The following ZFP91 variants were observed in gnomAD, a reference collection of about 807,000 sequenced individuals.
ZFP91 encodes the protein ZFP91 zinc finger protein, atypical E3 ubiquitin ligase, also known as E3 ubiquitin-protein ligase ZFP91.
In ZFP91, 7 loss-of-function variants were observed where a neutral mutation model predicts 63.5. The ratio of observed to expected loss-of-function variants is 0.11; its 90% confidence interval spans 0.06 to 0.21. The LOEUF (loss-of-function observed/expected upper bound fraction) is 0.21, where lower values mean the gene tolerates loss of function less well. Among genes scored for constraint, ZFP91 ranks in the 10% least tolerant of loss-of-function variants. The pLI is 1.00. For missense variants in ZFP91, 628 were observed against 736.6 expected (o/e 0.85, Z 1.71); for synonymous variants, 330 against 272.1 (o/e 1.21, Z -2.10).
At position 58,579,446 on chromosome 11, in the gene ZFP91, C is replaced by T. The variant is rs989032183; in HGVS notation, c.165C>T (p.Asp55=). ...GCCGCGTGCTGAGGGGAGGTCGGGA[C>T]CGAGGCCGGGCCGCTGCGGCCGCCG... ...TSSRVLRGGR[D]RGRAAAAAAA... is the part of the protein sequence containing the mutation. The change falls in exon 1 of 11, where the codon GAC becomes GAT. Residue 55 remains aspartate (D), a synonymous_variant. Transcript: ENST00000316059. The T allele has an allele frequency of 5.2e-5, 75 of 1,450,164 alleles. No individual in the cohort carries two copies. In the African/African-American group the frequency reaches 1.1e-3, roughly 21 times the overall value. 89.8% of individuals were successfully genotyped at this position (1,450,164 alleles called of 1,614,324 possible). A position where few individuals can be genotyped will look rare whatever the true frequency, so the allele number is the denominator to read the frequency against.
At chr11:58,608,145 A>AT (rs1405433503) in intron 2 of ZFP91, among the ~76,000 whole-genome samples, 1 of 151,856 alleles carries the variant, frequency 6.6e-6, no homozygotes, top group East Asian at 2.0e-4. Flanking sequence ...AAGAGTAGAC[A>AT]ACTAAACATT....
At chr11:58,589,757 C>G (rs1270867627) in intron 2 of ZFP91, among the ~76,000 whole-genome samples, 2 of 152,124 alleles carry the variant, frequency 1.3e-5, no homozygotes, top group Non-Finnish European at 2.9e-5. Flanking sequence ...GGGTATGGCC[C>G]AGATCCTTTA....
intron 2 of ZFP91, among the ~76,000 whole-genome samples, chr11:58,600,152 A>T (rs1160096103): frequency 6.6e-6 from 1 of 152,096 alleles, no homozygotes; most frequent in Admixed American, 6.6e-5. Flanking sequence ...TGTTTTCAAG[A>T]TGGCTGTGAC....
At chr11:58,614,578 A>G (rs757308316) in intron 9 of ZFP91, among the ~76,000 whole-genome samples, 1 of 152,178 alleles carries the variant, frequency 6.6e-6, no homozygotes, top group Non-Finnish European at 1.5e-5. Context: ...ATGATCTTCT[A>G]TTGAGCATTT....
At chr11:58,595,232 T>A (rs1429822069) in intron 2 of ZFP91, among the ~76,000 whole-genome samples, 2 of 152,140 alleles carry the variant, frequency 1.3e-5, no homozygotes, top group African/African-American at 4.8e-5. Context: ...ATGAAAAAAA[T>A]ATATATTACC....
At chr11:58,612,134 A>G (rs1191527645) in intron 6 of ZFP91, 144 bp from the exon 7 acceptor site, 2 of 776,834 alleles carry the variant, frequency 2.6e-6, no homozygotes, top group Non-Finnish European at 4.1e-6. Flanking sequence ...TTGATTTGCC[A>G]GATATATCTT....
At chr11:58,586,543 A>G (rs1855212932) in intron 2 of ZFP91, among the ~76,000 whole-genome samples, 1 of 152,138 alleles carries the variant, frequency 6.6e-6, no homozygotes, top group Non-Finnish European at 1.5e-5. Flanking sequence ...TTACTGTTTA[A>G]AGGCCCTGGA....
At chr11:58,598,268 A>G (rs1383726023) in intron 2 of ZFP91, among the ~76,000 whole-genome samples, 1 of 152,122 alleles carries the variant, frequency 6.6e-6, no homozygotes, top group African/African-American at 2.4e-5. Flanking sequence ...TTTTACAGTA[A>G]TGTCATCAAA....
At position 58,579,337 on chromosome 11, in the gene ZFP91, G is replaced by A. The variant is rs973726163; in HGVS notation, c.56G>A (p.Gly19Glu). The A allele has an allele frequency of 1.9e-5, 28 of 1,495,252 alleles. No individual in the cohort carries two copies. The highest frequency in any genetic ancestry group is 2.9e-5 in the African/African-American group (2 of 67,958). 92.6% of individuals were successfully genotyped at this position (1,495,252 alleles called of 1,614,324 possible). ...RPPEQQDQEG[G>E]EAAKAAPEEP... The stretch of plus-strand genomic sequence containing the variant: ...CCGGAGCAGCAGGACCAGGAAGGGG[G>A]AGAGGCGGCCAAGGCGGCTCCGGAG... Residue 19 changes from glycine (G) to glutamate (E), a missense_variant, in exon 1 of 11, where the codon GGA (glycine) becomes GAA (glutamate). Coordinates refer to ENST00000316059, the MANE Select transcript of ZFP91 (RefSeq NM_053023.5).
At chr11:58,607,680 C>A (rs2134415457) in intron 2 of ZFP91, among the ~76,000 whole-genome samples, 1 of 152,160 alleles carries the variant, frequency 6.6e-6, no homozygotes, top group Non-Finnish European at 1.5e-5. Flanking sequence ...CTATAGTCAC[C>A]ACATTGCTCC....
intron 1 of ZFP91, 112 bp downstream of exon 1, chr11:58,579,734 C>G: frequency 9.8e-7 from 1 of 1,019,248 alleles, no homozygotes; most frequent in Non-Finnish European, 1.3e-6. Context: ...TGCCCCCTGC[C>G]GGCTCCGCAC....
chr11:58,606,747 T>G (rs1855576379), intron 2 of ZFP91, among the ~76,000 whole-genome samples: 1 of 152,172 alleles, frequency 6.6e-6, no homozygotes, highest in Non-Finnish European at 1.5e-5. Flanking sequence ...GTCCTTTCGC[T>G]TATATTCATC....
At chr11:58,604,242 G>T (rs1590623614) in intron 2 of ZFP91, among the ~76,000 whole-genome samples, 1 of 152,042 alleles carries the variant, frequency 6.6e-6, no homozygotes, top group Admixed American at 6.6e-5. Context: ...TATTACAATG[G>T]GCCCTAATCC....
rs984122279 is a variant in ZFP91, at chr11:58,617,750, T to G, written c.*44T>G. On this transcript the variant is annotated 3_prime_UTR_variant, in exon 11 of 11. Transcript: ENST00000316059. The surrounding 1 kb of genome is among the most constrained non-coding windows in gnomAD (Gnocchi z 4.2). ...GCATGGGACAGCTCAGACTTTGTAT[T>G]TAAAAGTTAAAAAGGACAAAAAAAA... is the stretch of plus-strand genomic sequence containing the variant. 1 of 1,442,570 alleles carries G rather than the reference T, an allele frequency of 6.9e-7. No homozygotes were observed. Among genetic ancestry groups the G allele is most frequent in the Non-Finnish European group, 9.1e-7 (1 of 1,100,272 alleles). 89.4% of individuals were successfully genotyped at this position (1,442,570 alleles called of 1,614,324 possible). A position where few individuals can be genotyped will look rare whatever the true frequency, so the allele number is the denominator to read the frequency against.
chr11:58,587,300 A>G (rs1471238822), intron 2 of ZFP91, among the ~76,000 whole-genome samples: 2 of 152,172 alleles, frequency 1.3e-5, no homozygotes, highest in Non-Finnish European at 2.9e-5. Flanking sequence ...GCGCTATTCT[A>G]GGCACTGGAT....
At chr11:58,595,331 C>T (rs749092466) in intron 2 of ZFP91, among the ~76,000 whole-genome samples, 1 of 152,122 alleles carries the variant, frequency 6.6e-6, no homozygotes, top group Admixed American at 6.5e-5. Context: ...TTAGTATCTT[C>T]CCAGCTTATC....
At chr11:58,579,907 G>T (rs1040066813) in intron 1 of ZFP91, among the ~76,000 whole-genome samples, 2 of 151,900 alleles carry the variant, frequency 1.3e-5, no homozygotes, top group African/African-American at 4.8e-5. Context: ...CCTGACACCC[G>T]CAGGCTCATC....
Position 58,619,930 on chromosome 11 carries a change from C to G in ZFP91, c.*2224C>G, listed in dbSNP as rs567244324. 6.6e-6 allele frequency: 1 copy of G among 152,312 alleles called. No homozygotes were observed. Among genetic ancestry groups the G allele is most frequent in the East Asian group, 1.9e-4 (1 of 5,186 alleles). 9.4% of individuals were successfully genotyped at this position (152,312 alleles called of 1,614,324 possible). On this transcript the variant is annotated 3_prime_UTR_variant, in exon 11 of 11. Coordinates refer to ENST00000316059, the MANE Select transcript of ZFP91 (RefSeq NM_053023.5). ...TTCCACACTTAGCTTTTTTGTCACACTTATCCTTTGTCTCCGTAAATTTCA... is the reference window on the plus strand; with the variant it reads ...TTCCACACTTAGCTTTTTTGTCACAGTTATCCTTTGTCTCCGTAAATTTCA...
At chr11:58,589,968 T>C (rs1855277027) in intron 2 of ZFP91, among the ~76,000 whole-genome samples, 1 of 152,206 alleles carries the variant, frequency 6.6e-6, no homozygotes. Context: ...CTATTACAGC[T>C]CAACTTATTG....
Sources: allele counts gnomAD v4.1 joint callset (sites outside exome capture counted in the v4.1 genomes callset), GRCh38; gene constraint gnomAD v4.1.1; non-coding constraint Gnocchi (gnomAD v3.1); transcripts MANE v1.5; gene names NCBI Gene and HGNC (gene_info 2026-07-23, HGNC 2026-07-21).